Variants in PLXDC2 observed in about 807,000 individuals in gnomAD.
PLXDC2 encodes plexin domain containing 2.
Under a neutral mutation model 68.9 loss-of-function variants are expected in PLXDC2, and 40 were observed. The observed-to-expected ratio is 0.58, with a 90% CI of 0.45 to 0.76. The LOEUF (loss-of-function observed/expected upper bound fraction) is 0.76. Ranked by LOEUF, PLXDC2 falls within the 30% of genes least tolerant of loss-of-function variation. The probability of loss-of-function intolerance (pLI) is 0.00; values close to 1 mark genes in which losing one functional copy is unlikely to be tolerated. For synonymous variants in PLXDC2, 243 were observed against 234.2 expected, an observed-to-expected ratio of 1.04 and a Z score of -0.34; for missense variants, 644 against 661.9, an observed-to-expected ratio of 0.97 and a Z score of 0.30.
chr10:19,925,869 C>A (rs78345473), intron 1 of PLXDC2, among the ~76,000 whole-genome samples: 2 of 152,114 alleles, frequency 1.3e-5, no homozygotes, highest in East Asian at 3.9e-4. Flanking sequence ...TCTGAGAATG[C>A]GTGCAGTCTG....
intron 1 of PLXDC2, among the ~76,000 whole-genome samples, chr10:19,868,760 A>T (rs573299969): frequency 6.6e-6 from 1 of 152,186 alleles, no homozygotes; most frequent in African/African-American, 2.4e-5. Context: ...CTCTATCAGC[A>T]TATACTTTTT....
chr10:19,890,547 T>TG (rs1837938382), intron 1 of PLXDC2, among the ~76,000 whole-genome samples: 1 of 151,104 alleles, frequency 6.6e-6, no homozygotes, highest in Admixed American at 6.6e-5. Context: ...ACGGGGTTTT[T>TG]TTTTTTTTGA....
intron 1 of PLXDC2, among the ~76,000 whole-genome samples, chr10:19,883,750 G>A (rs1837782730): frequency 6.6e-6 from 1 of 151,808 alleles, no homozygotes; most frequent in Non-Finnish European, 1.5e-5. Context: ...TTCAGTTTAA[G>A]CATTTTGTAT....
At chr10:20,044,215 T>TTCTG (rs1185597811) in intron 2 of PLXDC2, among the ~76,000 whole-genome samples, 1 of 6,776 alleles carries the variant, frequency 1.5e-4, no homozygotes, top group African/African-American at 7.3e-4. Flanking sequence ...CTCTCTGTCT[T>TTCTG]TCTTTCTTTC....
intron 1 of PLXDC2, among the ~76,000 whole-genome samples, chr10:19,897,653 A>T (rs1325296763): frequency 6.6e-6 from 1 of 152,186 alleles, no homozygotes. Flanking sequence ...TTAAGACTAT[A>T]TATAAAATAT....
At chr10:19,916,729 A>G (rs971834181) in intron 1 of PLXDC2, among the ~76,000 whole-genome samples, 1 of 152,138 alleles carries the variant, frequency 6.6e-6, no homozygotes, top group Admixed American at 6.5e-5. Context: ...ACTTTTCCCC[A>G]TAGATCTGTG....
intron 3 of PLXDC2, among the ~76,000 whole-genome samples, chr10:20,057,353 A>G (rs912536299): frequency 6.6e-6 from 1 of 152,172 alleles, no homozygotes; most frequent in Admixed American, 6.5e-5. Context: ...TGGGTAGGTT[A>G]GTATTTCAGT....
chr10:19,838,426 C>T (rs1188021457), intron 1 of PLXDC2, among the ~76,000 whole-genome samples: 2 of 152,086 alleles, frequency 1.3e-5, no homozygotes, highest in Non-Finnish European at 2.9e-5. Context: ...TTTCCTAGCC[C>T]ATGATAATAA....
intron 1 of PLXDC2, among the ~76,000 whole-genome samples, chr10:19,830,984 G>A (rs1236037923): frequency 1.5e-5 from 2 of 129,836 alleles, no homozygotes; most frequent in African/African-American, 5.7e-5. Flanking sequence ...GTAGGAACCA[G>A]GTTTGTTTCC....
At chr10:20,112,571 T>C (rs1833573476) in intron 4 of PLXDC2, among the ~76,000 whole-genome samples, 1 of 152,246 alleles carries the variant, frequency 6.6e-6, no homozygotes, top group Admixed American at 6.5e-5. Context: ...TAAGCTGTCA[T>C]ATTTGTTCAT....
intron 1 of PLXDC2, among the ~76,000 whole-genome samples, chr10:19,891,123 C>T (rs1167000097): frequency 1.3e-5 from 2 of 152,082 alleles, no homozygotes; most frequent in Admixed American, 6.6e-5. Context: ...TCCAGCGCTC[C>T]CACCCCTGAA....
chr10:19,914,556 T>A (rs1295508768), intron 1 of PLXDC2, among the ~76,000 whole-genome samples: 1 of 152,220 alleles, frequency 6.6e-6, no homozygotes, highest in African/African-American at 2.4e-5. Context: ...CAAGGATTTC[T>A]TAGGTTCTTT....
intron 4 of PLXDC2, among the ~76,000 whole-genome samples, chr10:20,111,729 T>C (rs1198088000): frequency 6.6e-6 from 1 of 152,220 alleles, no homozygotes; most frequent in Admixed American, 6.5e-5. Flanking sequence ...TTACTCCTTC[T>C]TGTAAGAAAG....
chr10:20,057,490 T>C (rs2131695540), intron 3 of PLXDC2, among the ~76,000 whole-genome samples: 1 of 152,292 alleles, frequency 6.6e-6, no homozygotes, highest in South Asian at 2.1e-4. Flanking sequence ...GCCAGGTTTC[T>C]ATGTGGATTG....
At chr10:20,254,345 G>T (rs908273476) in intron 13 of PLXDC2, among the ~76,000 whole-genome samples, 1 of 152,188 alleles carries the variant, frequency 6.6e-6, no homozygotes, top group Non-Finnish European at 1.5e-5. Context: ...TAAGAGTTTG[G>T]CATCTTGCTT....
chr10:19,951,447 T>G (rs1408471435), intron 1 of PLXDC2, among the ~76,000 whole-genome samples: 1 of 152,038 alleles, frequency 6.6e-6, no homozygotes, highest in Non-Finnish European at 1.5e-5. Flanking sequence ...AATAAGATAC[T>G]AACTATCTCA....
rs375301178 is a variant in PLXDC2, at chr10:20,159,211, C to T, written c.784-5257C>T. Among the ~76,000 whole-genome samples the T allele has an allele frequency of 2.2e-4, 33 of 152,218 alleles. No individual in the cohort carries two copies. The East Asian group carries it at 4.8e-3, about 22-fold the overall frequency. On this transcript the variant is annotated intron_variant, in intron 6 of 13. Transcript: ENST00000377252. ...GCTGCATATGTTGTTCCCTGCATAT[C>T]GAAAGGACACTTCTCATAGACCGTG... is the stretch of plus-strand genomic sequence containing the variant.
rs1836199060 is a variant in PLXDC2, at chr10:20,289,235, G to A, written c.*9416G>A. ...TGGAAACTGATACTAGCTAGAGGGA[G>A]CTGTAGAAAACAAAGATTTCAGGAT... On this transcript the variant is annotated 3_prime_UTR_variant, in exon 14 of 14. Transcript: ENST00000377252. 6.6e-6 allele frequency: 1 copy of A among 152,144 alleles called. No individual in the cohort carries two copies. The highest frequency in any genetic ancestry group is 2.4e-5 in the African/African-American group (1 of 41,426). The allele number at this position is 152,144 out of a possible 1,614,324, so 9.4% of individuals were successfully genotyped here.
At chr10:20,235,796 G>A (rs928132488) in intron 12 of PLXDC2, among the ~76,000 whole-genome samples, 2 of 152,168 alleles carry the variant, frequency 1.3e-5, no homozygotes, top group Non-Finnish European at 2.9e-5. Context: ...CTCAGGTTAT[G>A]CATATAAATG....
Sources: allele counts gnomAD v4.1 joint callset (sites outside exome capture counted in the v4.1 genomes callset), GRCh38; gene constraint gnomAD v4.1.1; transcripts MANE v1.5; gene names NCBI Gene and HGNC (gene_info 2026-07-23, HGNC 2026-07-21).